Variants in GRXCR1 observed in about 807,000 individuals in gnomAD.
The protein encoded by GRXCR1 is glutaredoxin and cysteine rich domain containing 1.
In GRXCR1, 27 loss-of-function variants were observed where a neutral mutation model predicts 27.3. The ratio of observed to expected loss-of-function variants is 0.99; its 90% CI spans 0.73 to 1.37. The LOEUF is 1.37. Among genes scored for constraint, GRXCR1 ranks in the 40% most tolerant of loss-of-function variants. The probability of loss-of-function intolerance (pLI) is 0.00; values close to 1 mark genes in which losing one functional copy is unlikely to be tolerated. For missense variants in GRXCR1, 379 were observed against 354.4 expected (o/e 1.07, Z -0.56); for synonymous variants, 122 against 131.1 (o/e 0.93, Z 0.47).
chr4:42,925,990 T>G (rs1747148298), intron 1 of GRXCR1, among the ~76,000 whole-genome samples: 2 of 152,006 alleles, frequency 1.3e-5, no homozygotes, highest in Non-Finnish European at 2.9e-5. Context: ...AAAAACTACT[T>G]TCACTGAACA....
intron 2 of GRXCR1, among the ~76,000 whole-genome samples, chr4:42,973,524 C>T (rs1028547003): frequency 3.3e-5 from 5 of 151,574 alleles, no homozygotes; most frequent in Non-Finnish European, 4.4e-5. Flanking sequence ...CTCCAGTATT[C>T]GTTTCTTATT....
intron 1 of GRXCR1, among the ~76,000 whole-genome samples, chr4:42,911,420 G>C (rs1746720049): frequency 6.6e-6 from 1 of 152,010 alleles, no homozygotes; most frequent in African/African-American, 2.4e-5. Context: ...GTAGAGATAA[G>C]ACACACATGT....
chr4:42,930,450 A>G (rs192379180), intron 1 of GRXCR1, among the ~76,000 whole-genome samples: 1 of 152,048 alleles, frequency 6.6e-6, no homozygotes, highest in East Asian at 1.9e-4. Flanking sequence ...TAATTTTAAG[A>G]TGTGCAATAG....
At chr4:42,959,039 C>T (rs1166672050) in intron 1 of GRXCR1, among the ~76,000 whole-genome samples, 2 of 151,904 alleles carry the variant, frequency 1.3e-5, no homozygotes, top group Non-Finnish European at 2.9e-5. Context: ...ACAGAACTAT[C>T]ATATAACCCA....
At chr4:42,999,621 C>T (rs563799428) in intron 2 of GRXCR1, among the ~76,000 whole-genome samples, 3 of 152,326 alleles carry the variant, frequency 2.0e-5, no homozygotes, top group African/African-American at 7.2e-5. Context: ...TCCACTTTTT[C>T]CCTCAAGATA....
chr4:42,914,087 C>T (rs1422935594), intron 1 of GRXCR1, among the ~76,000 whole-genome samples: 4 of 152,210 alleles, frequency 2.6e-5, no homozygotes, highest in East Asian at 3.9e-4. Flanking sequence ...TCTGCTAGGG[C>T]AGTGTGGAAG....
intron 1 of GRXCR1, among the ~76,000 whole-genome samples, chr4:42,911,813 A>T (rs892439867): frequency 9.2e-5 from 14 of 152,186 alleles, no homozygotes; most frequent in African/African-American, 3.4e-4. Context: ...TATATAGATT[A>T]GAGCAGTACC....
intron 1 of GRXCR1, among the ~76,000 whole-genome samples, chr4:42,936,108 C>T (rs1747453090): frequency 2.0e-5 from 3 of 151,834 alleles, no homozygotes; most frequent in Admixed American, 1.3e-4. Context: ...ATTTGGGCAA[C>T]AAGGAGGAAC....
intron 1 of GRXCR1, among the ~76,000 whole-genome samples, chr4:42,918,029 T>C (rs1746923206): frequency 6.6e-6 from 1 of 152,110 alleles, no homozygotes; most frequent in South Asian, 2.1e-4. Flanking sequence ...CATAATTGGT[T>C]ACAAAAATAA....
At chr4:42,893,852 A>G (rs759059748) in intron 1 of GRXCR1, among the ~76,000 whole-genome samples, 84 of 152,180 alleles carry the variant, frequency 5.5e-4, no homozygotes, top group Middle Eastern at 3.2e-3. Flanking sequence ...TGAGTTCTCA[A>G]AGCCAAATTT....
chr4:42,999,202 G>A (rs903609977), intron 2 of GRXCR1, among the ~76,000 whole-genome samples: 5 of 152,180 alleles, frequency 3.3e-5, no homozygotes, highest in Non-Finnish European at 7.3e-5. Flanking sequence ...TATAGTCTGT[G>A]TCCTGCACTA....
chr4:42,912,906 G>C (rs1746756817), intron 1 of GRXCR1, among the ~76,000 whole-genome samples: 1 of 152,124 alleles, frequency 6.6e-6, no homozygotes, highest in Non-Finnish European at 1.5e-5. Context: ...AGTGTCTCAT[G>C]ATAGTGAGTG....
chr4:42,908,867 C>G lies in GRXCR1; in HGVS notation c.384+15217C>G, dbSNP rs540313142. On this transcript the variant is annotated intron_variant, in intron 1 of 3. Coordinates refer to ENST00000399770, the MANE Select transcript of GRXCR1 (RefSeq NM_001080476.3). ...GCCAGGGATTCTGAGTAGCCAGGGC[C>G]CTTTCCTGTGGGAATTGGCAGTGGT... 3.9e-5 allele frequency among the ~76,000 whole-genome samples: 6 copies of G among 152,178 alleles called. No individual in the cohort carries two copies. In the East Asian group the frequency reaches 1.2e-3, roughly 30 times the overall value.
At chr4:42,904,006 T>G (rs758731089) in intron 1 of GRXCR1, among the ~76,000 whole-genome samples, 1 of 152,134 alleles carries the variant, frequency 6.6e-6, no homozygotes, top group African/African-American at 2.4e-5. Flanking sequence ...CGCCTTGATG[T>G]TTCTAAAGCA....
intron 2 of GRXCR1, among the ~76,000 whole-genome samples, 180 bp downstream of exon 2, chr4:42,963,314 T>G (rs1748170956): frequency 6.6e-6 from 1 of 151,976 alleles, no homozygotes; most frequent in Admixed American, 6.6e-5. Context: ...ACAGTGCTCC[T>G]CCCTGAAGAA....
intron 2 of GRXCR1, among the ~76,000 whole-genome samples, chr4:42,985,932 T>C (rs1255639486): frequency 1.3e-5 from 2 of 152,250 alleles, no homozygotes; most frequent in Non-Finnish European, 2.9e-5. Context: ...TGAGAGTTTC[T>C]GGCCCTCAGG....
chr4:42,948,156 TG>T (rs1747791012), intron 1 of GRXCR1, among the ~76,000 whole-genome samples: 1 of 152,180 alleles, frequency 6.6e-6, no homozygotes, highest in East Asian at 1.9e-4. Flanking sequence ...CATTTTCATT[TG>T]TGTCTTCCTT....
chr4:42,972,608 A>T (rs1748416315), intron 2 of GRXCR1, among the ~76,000 whole-genome samples: 1 of 152,186 alleles, frequency 6.6e-6, no homozygotes, highest in Non-Finnish European at 1.5e-5. Context: ...ATACTCTGCT[A>T]AGCATGTTAC....
intron 2 of GRXCR1, among the ~76,000 whole-genome samples, chr4:43,008,288 G>A (rs1406420128): frequency 1.3e-5 from 2 of 152,106 alleles, no homozygotes; most frequent in African/African-American, 4.8e-5. Context: ...CAAGAGGACG[G>A]TATATTTACT....
Sources: allele counts gnomAD v4.1 joint callset (sites outside exome capture counted in the v4.1 genomes callset), GRCh38; gene constraint gnomAD v4.1.1; transcripts MANE v1.5; gene names NCBI Gene and HGNC (gene_info 2026-07-23, HGNC 2026-07-21).